ATAD3B: variants seen among roughly 807,000 people sequenced by gnomAD.
The protein encoded by ATAD3B is ATPase family AAA domain-containing protein 3B.
A neutral mutation model predicts 70.2 loss-of-function variants in ATAD3B; 59 were observed. The observed-to-expected ratio is 0.84, with a 90% CI of 0.68 to 1.04. The LOEUF is 1.04. ATAD3B is among the 50% of genes least tolerant of loss of function. The pLI is 0.00. For synonymous variants in ATAD3B, 423 were observed against 388.6 expected (o/e 1.09, Z -1.04); for missense variants, 961 against 913.4 (o/e 1.05, Z -0.67).
intron 9 of ATAD3B, 34 bp downstream of exon 9, chr1:1,485,872 G>C (rs770226772): frequency 3.1e-6 from 5 of 1,612,498 alleles, no homozygotes; most frequent in Non-Finnish European, 4.2e-6. Context: ...GGGAGGTGCA[G>C]GGAGGGGACC....
At chr1:1,490,458 G>T (rs1640479360) in intron 14 of ATAD3B, 34 bp downstream of exon 14, 1 of 1,612,248 alleles carries the variant, frequency 6.2e-7, no homozygotes, top group Non-Finnish European at 8.5e-7. Flanking sequence ...CCCCAATCCA[G>T]GCACCATATG....
intron 13 of ATAD3B, chr1:1,489,539 C>T (rs1640416115): frequency 3.0e-6 from 3 of 995,812 alleles, no homozygotes; most frequent in Non-Finnish European, 4.4e-6. Context: ...TCCCTCTGCC[C>T]CTAGATTTCT....
At chr1:1,474,148 G>A (rs1422338464) in intron 1 of ATAD3B, among the ~76,000 whole-genome samples, 1 of 151,880 alleles carries the variant, frequency 6.6e-6, no homozygotes, top group Non-Finnish European at 1.5e-5. Context: ...GCCTCCTGAG[G>A]AGAGGGGACT....
chr1:1,472,079 G>A lies in ATAD3B; in HGVS notation c.195G>A (p.Leu65=), dbSNP rs1639353015. 8.3e-7 allele frequency: 1 copy of A among 1,208,476 alleles called. No homozygotes were observed. Among genetic ancestry groups the A allele is most frequent in the Non-Finnish European group, 1.0e-6 (1 of 973,588 alleles). 74.9% of individuals were successfully genotyped at this position (1,208,476 alleles called of 1,614,324 possible). A position where few individuals can be genotyped will look rare whatever the true frequency, so the allele number is the denominator to read the frequency against. Reference sequence around the variant, plus strand: ...GCGCCGCCAAGGCGGCGCGCGAGCTGGAGCACTCGCGTGAGTGCGGCGGGG... The same window carrying A: ...GCGCCGCCAAGGCGGCGCGCGAGCTAGAGCACTCGCGTGAGTGCGGCGGGG... ...LERAAKAARE[L]EHSRYAKEAL... Residue 65 remains leucine (L), a synonymous_variant, in exon 1 of 16, where the codon CTG becomes CTA. Coordinates refer to ENST00000673477, the MANE Select transcript of ATAD3B (RefSeq NM_031921.6).
In ATAD3B at chr1:1,471,821, A is replaced by G; in HGVS notation, c.-64A>G. The G allele has an allele frequency of 4.0e-6, 5 of 1,236,764 alleles. No homozygotes were observed. The highest frequency in any genetic ancestry group is 5.1e-6 in the Non-Finnish European group (5 of 988,484). The allele number at this position is 1,236,764 out of a possible 1,614,324, so 76.6% of individuals were successfully genotyped here. ...CTCGCGGCGCGTGGAGGCTGCTCCC[A>G]GCCGCGCCCGAGTCAGACTCGGGTG... On this transcript the variant is annotated 5_prime_UTR_variant, in exon 1 of 16. Transcript: ENST00000673477.
In ATAD3B at chr1:1,477,341, C is replaced by G. The variant is rs373500848; in HGVS notation, c.273C>G (p.Ser91=). ...AGACGCTGCAGTTGGAGCAACAGTC[C>G]AAGCTCAAAGTGAGTGGGGCCGGTG... ...QEQTLQLEQQ[S]KLKEYEAAVE... is the part of the protein sequence containing the mutation. Residue 91 remains serine, a synonymous_variant, in exon 2 of 16, where the codon TCC becomes TCG. Transcript: ENST00000673477. 3.0e-5 allele frequency: 48 copies of G among 1,612,152 alleles called. 1 individual carries two copies. Among genetic ancestry groups the G allele is most frequent in the Non-Finnish European group, 3.6e-5 (43 of 1,179,684 alleles).
chr1:1,484,730 C>T (rs1640107821), intron 7 of ATAD3B: 2 of 659,492 alleles, frequency 3.0e-6, no homozygotes. Flanking sequence ...TGACATCCAG[C>T]TGGGTCTGCC....
chr1:1,486,002 G>A (rs1218427885), intron 9 of ATAD3B, 108 bp from the exon 10 acceptor site: 3 of 1,593,454 alleles, frequency 1.9e-6, no homozygotes, highest in South Asian at 1.1e-5. Flanking sequence ...CACGAGCTGG[G>A]CGGCTTCCTG....
intron 13 of ATAD3B, 50 bp from the exon 14 acceptor site, chr1:1,490,207 G>T (rs1292037273): frequency 1.3e-6 from 2 of 1,594,028 alleles, no homozygotes; most frequent in Admixed American, 3.4e-5. Context: ...TGCCCTCGGG[G>T]CATCTCAGCT....
rs143679706 is a variant in ATAD3B at position 1,479,241 on chromosome 1, A to G, written c.444+133A>G. The stretch of plus-strand genomic sequence containing the variant: ...GACGGTGGGTGCTAGAGCAGGGGAA[A>G]CTACTCGGACAGACACGCACCAGCA... On this transcript the variant is annotated intron_variant, in intron 4 of 15. Coordinates refer to ENST00000673477, the MANE Select transcript of ATAD3B (RefSeq NM_031921.6). 5,959 of 1,098,874 alleles carry G rather than the reference A, an allele frequency of 5.4e-3. 676 individuals are homozygous for G. In the African/African-American group the frequency reaches 0.09, roughly 17 times the overall value. The allele number at this position is 1,098,874 out of a possible 1,614,324, so 68.1% of individuals were successfully genotyped here. A position where few individuals can be genotyped will look rare whatever the true frequency, so the allele number is the denominator to read the frequency against.
downstream of ATAD3B, among the ~76,000 whole-genome samples, chr1:1,500,147 C>G (rs1424620002): frequency 1.3e-5 from 2 of 151,512 alleles, no homozygotes; most frequent in Admixed American, 1.3e-4. Flanking sequence ...ATCCACCCGC[C>G]TCAGCCTCCC....
intron 8 of ATAD3B, 39 bp from the exon 9 acceptor site, chr1:1,485,743 G>T (rs761450639): frequency 2.5e-6 from 4 of 1,610,914 alleles, no homozygotes; most frequent in Non-Finnish European, 3.4e-6. Context: ...CGTGGCTGTG[G>T]CAGGTGACCC....
At chr1:1,500,059 G>A (rs1481105797), downstream of ATAD3B, among the ~76,000 whole-genome samples, 6 of 150,828 alleles carry the variant, frequency 4.0e-5, no homozygotes, top group African/African-American at 9.8e-5. Flanking sequence ...GGACACGCCC[G>A]GCTAAGTTTT....
chr1:1,489,429 C>G, intron 13 of ATAD3B, 155 bp downstream of exon 13: 2 of 1,346,296 alleles, frequency 1.5e-6, no homozygotes, highest in South Asian at 2.8e-5. Flanking sequence ...CAGCTCGGGA[C>G]AGCACGGGGT....
intron 8 of ATAD3B, 82 bp from the exon 9 acceptor site, chr1:1,485,700 T>C: frequency 6.3e-7 from 1 of 1,584,274 alleles, no homozygotes; most frequent in South Asian, 1.1e-5. Flanking sequence ...TTTCTGTGTG[T>C]TACCGAGCAT....
rs557932689 is a variant in ATAD3B, at chr1:1,484,972, G to C, written c.751-44G>C. ...CGTGCGTCTCCTGCTCTAGGAGGGA[G>C]GGACGGTGGGGGCCGGTGCGCCAGT... On this transcript the variant is annotated intron_variant, in intron 7 of 15. Coordinates refer to ENST00000673477, the MANE Select transcript of ATAD3B (RefSeq NM_031921.6). The C allele has an allele frequency of 1.5e-5, 24 of 1,577,056 alleles. 1 individual carries two copies. In the South Asian group the frequency reaches 2.6e-4, roughly 17 times the overall value.
rs1373207326 is a variant in ATAD3B, at chr1:1,486,758, C to T, written c.1214+90C>T. ...GGGGGTCCAGGTGTCTCTTGGGGAC[C>T]CTGTCTTTCTGCAGCTCTGTCCTTG... On this transcript the variant is annotated intron_variant, in intron 11 of 15. Coordinates refer to ENST00000673477, the MANE Select transcript of ATAD3B (RefSeq NM_031921.6). The T allele has an allele frequency of 6.7e-6, 10 of 1,481,506 alleles. No homozygotes were observed. In the East Asian group the frequency reaches 2.2e-4, roughly 33 times the overall value. The allele number at this position is 1,481,506 out of a possible 1,614,324, so 91.8% of individuals were successfully genotyped here.
chr1:1,509,157 T>C, the ATAD3B span: 1 of 1,598,060 alleles, frequency 6.3e-7, no homozygotes, highest in South Asian at 1.1e-5. Context: ...GCATTTGGGG[T>C]GGGGGGTTCC....
At position 1,496,348 on chromosome 1, in the gene ATAD3B, T is replaced by C; in HGVS notation, c.*531T>C. On this transcript the variant is annotated 3_prime_UTR_variant, in exon 16 of 16. Transcript: ENST00000673477. ...CAGAGCGGTGTGCTTCACATCAGCCTCGCGCCACATCCGAGTTGGGGTCTG... is the reference window on the plus strand; with the variant it reads ...CAGAGCGGTGTGCTTCACATCAGCCCCGCGCCACATCCGAGTTGGGGTCTG... 4.2e-6 allele frequency: 3 copies of C among 713,664 alleles called. No individual in the cohort carries two copies. The highest frequency in any genetic ancestry group is 5.2e-6 in the Non-Finnish European group (3 of 581,340). The allele number at this position is 713,664 out of a possible 1,614,324, so 44.2% of individuals were successfully genotyped here.
Sources: allele counts gnomAD v4.1 joint callset (sites outside exome capture counted in the v4.1 genomes callset), GRCh38; gene constraint gnomAD v4.1.1; transcripts MANE v1.5; gene names NCBI Gene and HGNC (gene_info 2026-07-23, HGNC 2026-07-21).